GABRG1: variants seen among roughly 807,000 people sequenced by gnomAD.
The protein encoded by GABRG1 is gamma-aminobutyric acid type A receptor subunit gamma1.
A neutral mutation model predicts 49.8 loss-of-function variants in GABRG1; 49 were observed. The ratio of observed to expected loss-of-function variants is 0.98; its 90% CI spans 0.78 to 1.25. GABRG1 has a LOEUF of 1.25. GABRG1 is among the 50% of genes most tolerant of loss of function. The pLI is 0.00. For synonymous variants in GABRG1, 232 were observed against 185.1 expected (o/e 1.25, Z -2.06); for missense variants, 552 against 552.3 (o/e 1.00, Z 0.01).
intron 8 of GABRG1, among the ~76,000 whole-genome samples, chr4:46,049,664 C>G (rs998594807): frequency 1.3e-5 from 2 of 151,830 alleles, no homozygotes; most frequent in Non-Finnish European, 2.9e-5. Flanking sequence ...AGTAACTATT[C>G]TAGAACAATG....
At chr4:46,100,979 A>T (rs966297873) in intron 1 of GABRG1, among the ~76,000 whole-genome samples, 1 of 151,526 alleles carries the variant, frequency 6.6e-6, no homozygotes, top group African/African-American at 2.4e-5. Flanking sequence ...TGAATATTAC[A>T]TTGGTGTTAT....
intron 2 of GABRG1, among the ~76,000 whole-genome samples, chr4:46,093,281 G>A (rs1040101950): frequency 1.3e-5 from 2 of 151,818 alleles, no homozygotes; most frequent in African/African-American, 4.8e-5. Flanking sequence ...ACAAAAAAAA[G>A]GATAAGATTC....
chr4:46,039,906 G>C lies in GABRG1; in HGVS notation c.*1082C>G, dbSNP rs972459159. 6.6e-6 allele frequency: 1 copy of C among 151,530 alleles called. No individual in the cohort carries two copies. Among genetic ancestry groups the C allele is most frequent in the Non-Finnish European group, 1.5e-5 (1 of 67,742 alleles). The allele number at this position is 151,530 out of a possible 1,614,324, so 9.4% of individuals were successfully genotyped here. A position where few individuals can be genotyped will look rare whatever the true frequency, so the allele number is the denominator to read the frequency against. ...TATAATGTAGTTGCAAAACTGACAGGGTCCAAAACTTTGGAGCTGGAAGAG... is the reference window on the plus strand; with the variant it reads ...TATAATGTAGTTGCAAAACTGACAGCGTCCAAAACTTTGGAGCTGGAAGAG... On this transcript the variant is annotated 3_prime_UTR_variant, in exon 9 of 9. Coordinates refer to ENST00000295452, the MANE Select transcript of GABRG1 (RefSeq NM_173536.4).
intron 3 of GABRG1, among the ~76,000 whole-genome samples, chr4:46,079,006 A>G (rs1041119476): frequency 6.6e-6 from 1 of 151,838 alleles, no homozygotes; most frequent in African/African-American, 2.4e-5. Flanking sequence ...TCCCTCATTT[A>G]CATTCTATAA....
chr4:46,111,624 G>A (rs1399590672), intron 1 of GABRG1, among the ~76,000 whole-genome samples: 1 of 151,312 alleles, frequency 6.6e-6, no homozygotes, highest in Non-Finnish European at 1.5e-5. Context: ...AAAACAGCAT[G>A]GTACTGGTAC....
chr4:46,043,217 C>A (rs1717853315), intron 8 of GABRG1, among the ~76,000 whole-genome samples: 1 of 151,794 alleles, frequency 6.6e-6, no homozygotes, highest in Admixed American at 6.6e-5. Flanking sequence ...ATTAGTTGTT[C>A]ATGAGAGAAA....
intron 1 of GABRG1, among the ~76,000 whole-genome samples, chr4:46,106,849 T>C (rs922474913): frequency 1.3e-5 from 2 of 151,148 alleles, no homozygotes; most frequent in African/African-American, 2.4e-5. Context: ...TGAGGAAGAA[T>C]CTGTCATGCA....
chr4:46,094,515 G>C (rs1720105355), intron 2 of GABRG1, among the ~76,000 whole-genome samples: 1 of 151,864 alleles, frequency 6.6e-6, no homozygotes, highest in African/African-American at 2.4e-5. Context: ...ACCAGCACAA[G>C]AACTAAGAGG....
intron 2 of GABRG1, among the ~76,000 whole-genome samples, chr4:46,088,073 G>A (rs1719846673): frequency 6.6e-6 from 1 of 151,986 alleles, no homozygotes; most frequent in Admixed American, 6.6e-5. Context: ...GGTCAATACA[G>A]AACAACATTT....
intron 3 of GABRG1, among the ~76,000 whole-genome samples, chr4:46,083,309 CTG>C (rs1719640461): frequency 6.6e-6 from 1 of 151,702 alleles, no homozygotes; most frequent in Non-Finnish European, 1.5e-5. Flanking sequence ...TAATGGGTCT[CTG>C]TAACCCTAAC....
chr4:46,105,537 G>T (rs1720506556), intron 1 of GABRG1, among the ~76,000 whole-genome samples: 1 of 151,384 alleles, frequency 6.6e-6, no homozygotes, highest in Non-Finnish European at 1.5e-5. Context: ...GCAAAACAAA[G>T]GGGATGTTTT....
At chr4:46,041,925 C>T (rs1478261000) in intron 8 of GABRG1, among the ~76,000 whole-genome samples, 1 of 151,944 alleles carries the variant, frequency 6.6e-6, no homozygotes, top group South Asian at 2.1e-4. Context: ...ATGATCAATG[C>T]TCCATCATGC....
At chr4:46,053,740 T>A (rs189883193) in intron 7 of GABRG1, among the ~76,000 whole-genome samples, 1,540 of 152,148 alleles carry the variant, frequency 0.01, 15 homozygotes, top group Middle Eastern at 0.017. Flanking sequence ...AAGTTTCTGT[T>A]ACTTTCTTTT....
At chr4:46,087,073 CG>C (rs1172608252) in intron 2 of GABRG1, among the ~76,000 whole-genome samples, 1 of 151,428 alleles carries the variant, frequency 6.6e-6, no homozygotes, top group Non-Finnish European at 1.5e-5. Context: ...GAGATATGAG[CG>C]TATAATTTTT....
chr4:46,095,374 G>A (rs16859070), intron 2 of GABRG1, among the ~76,000 whole-genome samples: 14,457 of 151,588 alleles, frequency 0.095, 1,430 homozygotes, highest in African/African-American at 0.25. Flanking sequence ...AGAAGTAAAT[G>A]CATTTTCCCA....
At chr4:46,110,361 T>C (rs893292056) in intron 1 of GABRG1, among the ~76,000 whole-genome samples, 1 of 151,050 alleles carries the variant, frequency 6.6e-6, no homozygotes, top group Non-Finnish European at 1.5e-5. Flanking sequence ...TGTTTGCCCA[T>C]TAAAACTTTA....
At chr4:46,058,189 C>T (rs1475664941) in intron 7 of GABRG1, 28 bp downstream of exon 7, 41 of 1,585,710 alleles carry the variant, frequency 2.6e-5, no homozygotes, top group Non-Finnish European at 3.4e-5. Context: ...AGTTCTATGG[C>T]ATTATAGCAT....
intron 3 of GABRG1, among the ~76,000 whole-genome samples, chr4:46,073,101 AT>A (rs1336842003): frequency 6.6e-6 from 1 of 152,026 alleles, no homozygotes; most frequent in Non-Finnish European, 1.5e-5. Flanking sequence ...TTTTTGATAA[AT>A]TAGAAATGTT....
intron 3 of GABRG1, among the ~76,000 whole-genome samples, chr4:46,070,163 A>G (rs887650138): frequency 2.6e-5 from 4 of 152,020 alleles, no homozygotes; most frequent in Admixed American, 2.0e-4. Flanking sequence ...CCAATTTCCA[A>G]TGATTGACCC....
Sources: allele counts gnomAD v4.1 joint callset (sites outside exome capture counted in the v4.1 genomes callset), GRCh38; gene constraint gnomAD v4.1.1; transcripts MANE v1.5; gene names NCBI Gene and HGNC (gene_info 2026-07-23, HGNC 2026-07-21).